GMDS: variants seen among roughly 807,000 people sequenced by gnomAD.
GMDS encodes the protein GDP-mannose 4,6 dehydratase.
Under a neutral mutation model 49.9 loss-of-function variants are expected in GMDS, and 20 were observed. The observed-to-expected ratio is 0.40, with a 90% CI of 0.28 to 0.58. The LOEUF (loss-of-function observed/expected upper bound fraction) is 0.58. Among genes scored for constraint, GMDS ranks in the 20% least tolerant of loss-of-function variants. The pLI, the probability that GMDS is intolerant of heterozygous loss-of-function variation, is 0.42. For missense variants in GMDS, 362 were observed against 481.4 expected (o/e 0.75, Z 2.32); for synonymous variants, 177 against 178.6 (o/e 0.99, Z 0.07).
intron 4 of GMDS, among the ~76,000 whole-genome samples, chr6:2,110,090 A>C (rs1774459186): frequency 6.6e-6 from 1 of 152,126 alleles, no homozygotes; most frequent in Non-Finnish European, 1.5e-5. Flanking sequence ...CTGTAATTAC[A>C]CGGTAAAGGG....
intron 1 of GMDS, among the ~76,000 whole-genome samples, chr6:2,139,042 T>C (rs1405366315): frequency 6.6e-6 from 1 of 152,162 alleles, no homozygotes; most frequent in African/African-American, 2.4e-5. Context: ...ACCTTAATTT[T>C]ATATATCACT....
At chr6:1,911,350 T>A (rs536781416) in intron 7 of GMDS, among the ~76,000 whole-genome samples, 7 of 152,278 alleles carry the variant, frequency 4.6e-5, no homozygotes, top group Admixed American at 4.6e-4. Flanking sequence ...TCTTCTCAAA[T>A]GAAAACTGGC....
Position 1,742,608 on chromosome 6 carries a change from T to G in GMDS, c.772-22A>C, listed in dbSNP as rs753544422. 6.6e-6 allele frequency: 9 copies of G among 1,363,386 alleles called. No individual in the cohort carries two copies. In the East Asian group the frequency reaches 1.8e-4, roughly 28 times the overall value. The allele number at this position is 1,363,386 out of a possible 1,614,324, so 84.5% of individuals were successfully genotyped here. On this transcript the variant is annotated intron_variant, in intron 7 of 10. Coordinates refer to ENST00000380815, the MANE Select transcript of GMDS (RefSeq NM_001500.4). ...TAGCCTAGAGGGAAAGAGAGGCAAG[T>G]TCACTTTGAAGTCACACTCAGTGGC...
intron 4 of GMDS, among the ~76,000 whole-genome samples, chr6:1,981,676 C>A (rs535496720): frequency 6.9e-4 from 105 of 152,234 alleles, no homozygotes; most frequent in Admixed American, 9.8e-4. Flanking sequence ...TTCTATGAAA[C>A]CAGCATCATG....
At chr6:1,740,834 G>A (rs546796216) in intron 8 of GMDS, among the ~76,000 whole-genome samples, 6 of 151,942 alleles carry the variant, frequency 3.9e-5, no homozygotes, top group Admixed American at 6.5e-5. Context: ...CATATTATAC[G>A]TAAAATTTGA....
chr6:1,928,884 G>A lies in GMDS; in HGVS notation c.771+1219C>T, dbSNP rs963737866. 3.9e-5 allele frequency among the ~76,000 whole-genome samples: 6 copies of A among 152,068 alleles called. No individual in the cohort carries two copies. The South Asian group carries it at 8.3e-4, about 21-fold the overall frequency. ...CGCAGGAGGCTGAGGCAGGAGAATC[G>A]CTTGAACCTGGGAGGCCGAGGTTGT... On this transcript the variant is annotated intron_variant, in intron 7 of 10. Transcript: ENST00000380815.
At chr6:1,999,470 C>T (rs1411747604) in intron 4 of GMDS, among the ~76,000 whole-genome samples, 1 of 151,674 alleles carries the variant, frequency 6.6e-6, no homozygotes, top group African/African-American at 2.4e-5. Context: ...GGCAGACTAG[C>T]TTAAAAGTTT....
At chr6:1,649,011 C>G (rs1763569021) in intron 9 of GMDS, among the ~76,000 whole-genome samples, 1 of 152,204 alleles carries the variant, frequency 6.6e-6, no homozygotes, top group South Asian at 2.1e-4. Context: ...CACATTTACA[C>G]ACATATAATT....
In GMDS at chr6:1,778,791, T is replaced by G. The variant is rs1768953389; in HGVS notation, c.772-36205A>C. On this transcript the variant is annotated intron_variant, in intron 7 of 10. Transcript: ENST00000380815. This position sits in a 1 kb window ranked among gnomAD's most constrained non-coding sequence, Gnocchi z 4.6. ...GTCGACAGCAGCAGCCTGACCAGTGTGGGCCAGGACTGTACCAGCTCTGCA... is the reference window on the plus strand; with the variant it reads ...GTCGACAGCAGCAGCCTGACCAGTGGGGGCCAGGACTGTACCAGCTCTGCA... Among the ~76,000 whole-genome samples, 1 of 151,958 alleles carries G rather than the reference T, an allele frequency of 6.6e-6. No individual in the cohort carries two copies. The highest frequency in any genetic ancestry group is 1.5e-5 in the Non-Finnish European group (1 of 67,992).
At chr6:1,785,076 A>T (rs1769263452) in intron 7 of GMDS, among the ~76,000 whole-genome samples, 1 of 152,234 alleles carries the variant, frequency 6.6e-6, no homozygotes, top group Non-Finnish European at 1.5e-5. Flanking sequence ...AAGAATCAAC[A>T]TAAAACTGCT....
intron 4 of GMDS, among the ~76,000 whole-genome samples, chr6:1,973,046 C>G (rs1764706607): frequency 6.6e-6 from 1 of 152,250 alleles, no homozygotes; most frequent in Admixed American, 6.5e-5. Context: ...TTAGAATGTG[C>G]TTAAAGAAAA....
intron 7 of GMDS, among the ~76,000 whole-genome samples, chr6:1,913,231 A>G (rs1483157237): frequency 1.3e-5 from 2 of 151,400 alleles, no homozygotes; most frequent in South Asian, 2.1e-4. Flanking sequence ...AATACAAAAA[A>G]TTAGCCGGGC....
intron 1 of GMDS, among the ~76,000 whole-genome samples, chr6:2,185,918 ATTG>A (rs1403311343): frequency 8.5e-5 from 13 of 152,174 alleles, no homozygotes; most frequent in Non-Finnish European, 2.9e-5. Context: ...AACTCTGCAG[ATTG>A]TTATTATTCC....
chr6:1,722,173 T>A (rs918872192), intron 9 of GMDS, among the ~76,000 whole-genome samples: 1 of 149,186 alleles, frequency 6.7e-6, no homozygotes, highest in Admixed American at 6.8e-5. Flanking sequence ...TTCCCACCAT[T>A]CTCCTGCCTC....
chr6:2,033,038 T>C (rs1279357597), intron 4 of GMDS, among the ~76,000 whole-genome samples: 1 of 152,242 alleles, frequency 6.6e-6, no homozygotes, highest in Non-Finnish European at 1.5e-5. Context: ...GGAAAAAGTA[T>C]GTTAAATCAT....
At chr6:1,925,027 A>AAT (rs1216834561) in intron 7 of GMDS, among the ~76,000 whole-genome samples, 1 of 152,220 alleles carries the variant, frequency 6.6e-6, no homozygotes, top group African/African-American at 2.4e-5. Flanking sequence ...TGTTTGTGCA[A>AAT]ATTGAATATT....
chr6:1,784,399 A>AAAAAAG (rs1554119181), intron 7 of GMDS, among the ~76,000 whole-genome samples: 27 of 147,146 alleles, frequency 1.8e-4, no homozygotes, highest in Middle Eastern at 3.2e-3. Flanking sequence ...TCAAAAAAAA[A>AAAAAAG]AAAAAAAAAA....
chr6:1,894,877 T>C (rs1312282583), intron 7 of GMDS, among the ~76,000 whole-genome samples: 1 of 152,204 alleles, frequency 6.6e-6, no homozygotes, highest in African/African-American at 2.4e-5. Context: ...TTAGTTGAGG[T>C]ACGGGATTTT....
intron 4 of GMDS, among the ~76,000 whole-genome samples, chr6:2,011,267 C>T (rs1487969354): frequency 6.6e-6 from 1 of 152,038 alleles, no homozygotes; most frequent in Non-Finnish European, 1.5e-5. Context: ...TACAACAGTC[C>T]AAATGACTAT....
Sources: allele counts gnomAD v4.1 joint callset (sites outside exome capture counted in the v4.1 genomes callset), GRCh38; gene constraint gnomAD v4.1.1; non-coding constraint Gnocchi (gnomAD v3.1); transcripts MANE v1.5; gene names NCBI Gene and HGNC (gene_info 2026-07-23, HGNC 2026-07-21).